The following CDH18 variants were observed in gnomAD, a reference collection of about 807,000 sequenced individuals.
CDH18 encodes cadherin 18.
Under a neutral mutation model 67.9 loss-of-function variants are expected in CDH18, and 31 were observed. That is an observed-to-expected ratio of 0.46 (90% CI 0.34 to 0.62). The LOEUF is 0.62. Among genes scored for constraint, CDH18 ranks in the 20% least tolerant of loss-of-function variants. CDH18 has a pLI of 0.01. For missense variants in CDH18, 890 were observed against 975.5 expected, an observed-to-expected ratio of 0.91 and a Z score of 1.17; for synonymous variants, 362 against 347.2, an observed-to-expected ratio of 1.04 and a Z score of -0.48.
chr5:20,075,660 C>T (rs1743864394), intron 2 of CDH18, among the ~76,000 whole-genome samples: 2 of 152,090 alleles, frequency 1.3e-5, no homozygotes, highest in Admixed American at 6.5e-5. Context: ...ATTTTTCATG[C>T]GAGGAGAAGG....
intron 1 of CDH18, among the ~76,000 whole-genome samples, chr5:20,527,148 AAGAGAGAATATC>A (rs1352510125): frequency 6.6e-6 from 1 of 152,090 alleles, no homozygotes; most frequent in Non-Finnish European, 1.5e-5. Context: ...AAACAACTGG[AAGAGAGAATATC>A]AGAGCTTGAA....
At chr5:20,336,216 G>A (rs979115805) in intron 1 of CDH18, among the ~76,000 whole-genome samples, 1 of 152,078 alleles carries the variant, frequency 6.6e-6, no homozygotes, top group African/African-American at 2.4e-5. Flanking sequence ...TCAGCTCCAA[G>A]CAGCTAGTGT....
At chr5:20,095,723 G>A (rs1248061182) in intron 2 of CDH18, among the ~76,000 whole-genome samples, 1 of 150,776 alleles carries the variant, frequency 6.6e-6, no homozygotes, top group African/African-American at 2.4e-5. Context: ...CATAGGAGAC[G>A]ATCAAAATTT....
At chr5:20,396,858 A>G (rs1745323504) in intron 1 of CDH18, among the ~76,000 whole-genome samples, 1 of 152,146 alleles carries the variant, frequency 6.6e-6, no homozygotes, top group South Asian at 2.1e-4. Flanking sequence ...TTTGTTTCTA[A>G]CCTGCTAGTA....
intron 3 of CDH18, among the ~76,000 whole-genome samples, chr5:19,825,665 G>T (rs1005876758): frequency 5.3e-5 from 8 of 151,580 alleles, no homozygotes. Flanking sequence ...CTTGTCAATA[G>T]AATCCACCTT....
intron 9 of CDH18, among the ~76,000 whole-genome samples, chr5:19,543,427 T>C (rs748854223): frequency 1.3e-5 from 2 of 152,180 alleles, no homozygotes; most frequent in Non-Finnish European, 2.9e-5. Context: ...GTAAGTTCTA[T>C]AAGTGTTTTT....
intron 2 of CDH18, among the ~76,000 whole-genome samples, chr5:20,217,350 A>T (rs1740862625): frequency 6.6e-6 from 1 of 151,926 alleles, no homozygotes; most frequent in African/African-American, 2.4e-5. Context: ...ATGAGATACA[A>T]CAGAAATAAA....
intron 3 of CDH18, among the ~76,000 whole-genome samples, chr5:19,809,761 C>T (rs1025100554): frequency 8.9e-4 from 136 of 152,098 alleles, no homozygotes; most frequent in African/African-American, 3.1e-3. Context: ...CATTTGTTGA[C>T]AGCAGTTAAA....
intron 1 of CDH18, among the ~76,000 whole-genome samples, chr5:20,389,976 C>T (rs889746081): frequency 2.0e-5 from 3 of 152,074 alleles, no homozygotes; most frequent in African/African-American, 7.2e-5. Flanking sequence ...ACACCTTATA[C>T]AAAAATTAAT....
At chr5:20,401,854 A>C (rs1292326485) in intron 1 of CDH18, among the ~76,000 whole-genome samples, 2 of 152,156 alleles carry the variant, frequency 1.3e-5, no homozygotes, top group African/African-American at 4.8e-5. Context: ...TATTGACCAG[A>C]GTGTTATTTA....
At chr5:19,875,749 T>C (rs1381924630) in intron 2 of CDH18, among the ~76,000 whole-genome samples, 3 of 152,056 alleles carry the variant, frequency 2.0e-5, no homozygotes, top group Non-Finnish European at 4.4e-5. Context: ...CAGTGTTTTA[T>C]TCATAATTAC....
intron 2 of CDH18, among the ~76,000 whole-genome samples, chr5:20,040,286 T>A (rs1529901): frequency 0.87 from 132,336 of 151,920 alleles, 59,410 homozygotes; most frequent in East Asian, 1. Context: ...AAGAATAATA[T>A]TAATAATAAA....
chr5:19,513,173 T>C (rs920350980), intron 10 of CDH18, among the ~76,000 whole-genome samples: 4 of 152,084 alleles, frequency 2.6e-5, no homozygotes, highest in African/African-American at 9.7e-5. Flanking sequence ...AGTGGCAGGA[T>C]CACAGCTCAC....
intron 2 of CDH18, among the ~76,000 whole-genome samples, chr5:20,196,739 G>A (rs982962491): frequency 2.0e-5 from 3 of 152,290 alleles, no homozygotes; most frequent in African/African-American, 7.2e-5. Flanking sequence ...GGATGTAGAT[G>A]TAGATAGCTA....
intron 10 of CDH18, among the ~76,000 whole-genome samples, chr5:19,509,160 C>T (rs369934923): frequency 4.6e-5 from 7 of 151,964 alleles, no homozygotes; most frequent in Non-Finnish European, 1.0e-4. Context: ...TGAATCACTG[C>T]GCCTGGCCAA....
At chr5:19,657,689 G>A (rs948609957) in intron 5 of CDH18, among the ~76,000 whole-genome samples, 1 of 151,988 alleles carries the variant, frequency 6.6e-6, no homozygotes, top group Non-Finnish European at 1.5e-5. Context: ...TTTTCCAATT[G>A]AAAAGCAAAA....
intron 5 of CDH18, among the ~76,000 whole-genome samples, chr5:19,645,992 G>A (rs1050536933): frequency 6.6e-6 from 1 of 152,108 alleles, no homozygotes; most frequent in African/African-American, 2.4e-5. Flanking sequence ...AGCAAGAAAA[G>A]AATAAATAGA....
At chr5:20,414,870 C>A (rs560793786) in intron 1 of CDH18, among the ~76,000 whole-genome samples, 5 of 152,210 alleles carry the variant, frequency 3.3e-5, no homozygotes, top group East Asian at 1.9e-4. Context: ...AAATTGGAAC[C>A]CTTGTGCACT....
chr5:19,814,362 A>G (rs552144951), intron 3 of CDH18, among the ~76,000 whole-genome samples: 85 of 152,232 alleles, frequency 5.6e-4, no homozygotes, highest in Middle Eastern at 3.4e-3. Flanking sequence ...TGTCCTAAAA[A>G]AAAACACTCT....
Sources: gnomAD v4.1 joint callset for allele counts (sites outside exome capture counted in the v4.1 genomes callset) on GRCh38, gnomAD v4.1.1 for gene constraint, MANE v1.5 for transcripts, NCBI Gene and HGNC (gene_info 2026-07-23, HGNC 2026-07-21) for gene names.